Variants in EML4 observed in about 807,000 individuals in gnomAD.
The protein encoded by EML4 is EMAP like 4.
EML4 carries 72 observed loss-of-function variants against 129.0 expected under a neutral mutation model. The observed-to-expected ratio is 0.56, with a 90% CI of 0.46 to 0.68. The LOEUF (loss-of-function observed/expected upper bound fraction) is 0.68, where lower values mean the gene tolerates loss of function less well. Among genes scored for constraint, EML4 ranks in the 30% least tolerant of loss-of-function variants. EML4 has a pLI of 0.00. For synonymous variants in EML4, 532 were observed against 405.0 expected (o/e 1.31, Z -3.77); for missense variants, 1,363 against 1,190.6 (o/e 1.14, Z -2.13).
At chr2:42,243,020 C>G (rs566670764) in intron 1 of EML4, among the ~76,000 whole-genome samples, 32 of 152,082 alleles carry the variant, frequency 2.1e-4, no homozygotes, top group Admixed American at 1.2e-3. Context: ...TCAAGCGATC[C>G]GCCCACCTTG....
chr2:42,203,373 T>G (rs1672349147), intron 1 of EML4, among the ~76,000 whole-genome samples: 1 of 152,212 alleles, frequency 6.6e-6, no homozygotes, highest in African/African-American at 2.4e-5. Context: ...TAAAAACGTT[T>G]TGAATCCATG....
intron 2 of EML4, among the ~76,000 whole-genome samples, chr2:42,254,517 A>C (rs1675994537): frequency 6.6e-6 from 1 of 152,036 alleles, no homozygotes; most frequent in South Asian, 2.1e-4. Flanking sequence ...GCTAGAGGGA[A>C]GGAAATAAAG....
chr2:42,329,428 T>G (rs1199905499), intron 22 of EML4, among the ~76,000 whole-genome samples: 1 of 152,218 alleles, frequency 6.6e-6, no homozygotes, highest in African/African-American at 2.4e-5. Context: ...TTCAGAAGAA[T>G]AATTACTAAG....
chr2:42,261,441 C>G, intron 4 of EML4, 147 bp downstream of exon 4: 1 of 501,064 alleles, frequency 2.0e-6, no homozygotes, highest in Non-Finnish European at 3.3e-6. Flanking sequence ...ATAATTTATG[C>G]TTTATAGCCC....
Position 42,191,526 on chromosome 2 carries a change from A to T in EML4, c.25+21890A>T, listed in dbSNP as rs182139696. ...AGATAAGAGTTCTCATTTAGAACCA[A>T]TGTTTAGAAAAATAGGAGGGAGAGT... is the stretch of plus-strand genomic sequence containing the variant. On this transcript the variant is annotated intron_variant, in intron 1 of 22. Coordinates refer to ENST00000318522, the MANE Select transcript of EML4 (RefSeq NM_019063.5). Among the ~76,000 whole-genome samples, 10 of 152,308 alleles carry T rather than the reference A, an allele frequency of 6.6e-5. No individual in the cohort carries two copies. In the East Asian group the frequency reaches 1.9e-3, roughly 29 times the overall value.
At chr2:42,245,425 T>G (rs754761487) in intron 1 of EML4, 80 bp from the exon 2 acceptor site, 18 of 1,323,632 alleles carry the variant, frequency 1.4e-5, no homozygotes, top group Non-Finnish European at 1.9e-5. Flanking sequence ...GTAAGTCTTA[T>G]GTGGGATGGT....
intron 1 of EML4, among the ~76,000 whole-genome samples, chr2:42,172,678 A>G (rs1264987774): frequency 1.3e-5 from 2 of 152,060 alleles, no homozygotes; most frequent in Non-Finnish European, 2.9e-5. Context: ...CTTAGGAGAG[A>G]AAAGTACTCA....
At chr2:42,253,470 T>C (rs1675917909) in intron 2 of EML4, among the ~76,000 whole-genome samples, 1 of 152,184 alleles carries the variant, frequency 6.6e-6, no homozygotes, top group Non-Finnish European at 1.5e-5. Flanking sequence ...CATATTACAG[T>C]TAGTGGCATT....
chr2:42,181,545 C>A (rs1490291169), intron 1 of EML4, among the ~76,000 whole-genome samples: 1 of 152,170 alleles, frequency 6.6e-6, no homozygotes, highest in Non-Finnish European at 1.5e-5. Flanking sequence ...AATGACCTAC[C>A]TCAGCCTCCC....
intron 1 of EML4, among the ~76,000 whole-genome samples, chr2:42,239,720 G>C (rs1389972381): frequency 6.6e-6 from 1 of 151,350 alleles, no homozygotes; most frequent in East Asian, 1.9e-4. Flanking sequence ...ATGTTTAAAG[G>C]GAGGGGATTA....
intron 1 of EML4, among the ~76,000 whole-genome samples, chr2:42,235,009 T>C (rs1674573141): frequency 6.6e-6 from 1 of 151,868 alleles, no homozygotes; most frequent in South Asian, 2.1e-4. Context: ...ATACAAAAAT[T>C]AGCGGGTCAG....
chr2:42,209,959 CAAAA>C (rs901230900), intron 1 of EML4, among the ~76,000 whole-genome samples: 5 of 148,546 alleles, frequency 3.4e-5, no homozygotes. Flanking sequence ...AACAAACAAA[CAAAA>C]AAACCAATAG....
chr2:42,227,145 C>A (rs1212277557), intron 1 of EML4, among the ~76,000 whole-genome samples: 2 of 152,104 alleles, frequency 1.3e-5, no homozygotes, highest in African/African-American at 2.4e-5. Flanking sequence ...AGATCTCGCT[C>A]TGTTGCCCAG....
chr2:42,177,837 G>A (rs1237619802), intron 1 of EML4, among the ~76,000 whole-genome samples: 1 of 152,130 alleles, frequency 6.6e-6, no homozygotes, highest in African/African-American at 2.4e-5. Flanking sequence ...ATGAGGAGAA[G>A]AGGAAGAGAT....
chr2:42,264,384 C>G (rs568560491), intron 5 of EML4, among the ~76,000 whole-genome samples: 6 of 152,220 alleles, frequency 3.9e-5, no homozygotes, highest in South Asian at 2.1e-4. Flanking sequence ...TCCCAAAGTG[C>G]TAGGATTACA....
intron 6 of EML4, among the ~76,000 whole-genome samples, chr2:42,274,875 C>T (rs1666573461): frequency 6.6e-6 from 1 of 152,172 alleles, no homozygotes; most frequent in South Asian, 2.1e-4. Context: ...GAAAGTGCAA[C>T]ATCAAGTATT....
chr2:42,176,643 C>A (rs1167567443), intron 1 of EML4, among the ~76,000 whole-genome samples: 1 of 152,166 alleles, frequency 6.6e-6, no homozygotes, highest in East Asian at 1.9e-4. Context: ...TCATTCCCAG[C>A]CCAAAGTATT....
intron 1 of EML4, among the ~76,000 whole-genome samples, chr2:42,173,110 A>C (rs1025434370): frequency 2.6e-5 from 4 of 152,234 alleles, no homozygotes; most frequent in African/African-American, 9.6e-5. Context: ...GTGAACAAGT[A>C]TAGCAGTATG....
chr2:42,242,681 T>C (rs985949806), intron 1 of EML4, among the ~76,000 whole-genome samples: 6 of 151,098 alleles, frequency 4.0e-5, no homozygotes, highest in South Asian at 4.2e-4. Context: ...CTCCCTCCCT[T>C]CCTTCCCTTT....
Sources: gnomAD v4.1 joint callset for allele counts (sites outside exome capture counted in the v4.1 genomes callset) on GRCh38, gnomAD v4.1.1 for gene constraint, MANE v1.5 for transcripts, NCBI Gene and HGNC (gene_info 2026-07-23, HGNC 2026-07-21) for gene names.